RBM33: variants seen among roughly 807,000 people sequenced by gnomAD.
RBM33 encodes RNA-binding protein 33.
RBM33 carries 28 observed loss-of-function variants against 132.6 expected under a neutral mutation model. That is an observed-to-expected ratio of 0.21 (90% CI 0.16 to 0.29). The LOEUF (loss-of-function observed/expected upper bound fraction) is 0.29. Among genes scored for constraint, RBM33 ranks in the 10% least tolerant of loss-of-function variants. The pLI is 1.00. For missense variants in RBM33, 1,291 were observed against 1,518.5 expected, an observed-to-expected ratio of 0.85 and a Z score of 2.49; for synonymous variants, 634 against 593.0, an observed-to-expected ratio of 1.07 and a Z score of -1.01.
intron 3 of RBM33, among the ~76,000 whole-genome samples, chr7:155,674,348 G>T (rs929709257): frequency 6.6e-6 from 1 of 151,976 alleles, no homozygotes; most frequent in African/African-American, 2.4e-5. Flanking sequence ...CTCTATTGGG[G>T]AATTATTTTG....
At chr7:155,695,332 A>C (rs558514685) in intron 5 of RBM33, among the ~76,000 whole-genome samples, 1 of 152,366 alleles carries the variant, frequency 6.6e-6, no homozygotes, top group East Asian at 1.9e-4. Context: ...ATATGTATGC[A>C]TACATACTGC....
intron 9 of RBM33, among the ~76,000 whole-genome samples, chr7:155,724,249 T>G (rs1800712388): frequency 6.6e-6 from 1 of 152,194 alleles, no homozygotes; most frequent in African/African-American, 2.4e-5. Context: ...TTATAAAGTA[T>G]CAAAAGCAAT....
chr7:155,709,259 G>A (rs1190580414), intron 7 of RBM33, among the ~76,000 whole-genome samples: 1 of 152,086 alleles, frequency 6.6e-6, no homozygotes, highest in Non-Finnish European at 1.5e-5. Flanking sequence ...GTTACAGTAT[G>A]TATATGTTGT....
chr7:155,718,510 AGC>A, intron 9 of RBM33, 67 bp downstream of exon 9: 1 of 1,292,538 alleles, frequency 7.7e-7, no homozygotes, highest in Non-Finnish European at 1.1e-6. Context: ...ATATTAATAT[AGC>A]AAGTGCAAGA....
rs1801479209 is a variant in RBM33 at position 155,745,295 on chromosome 7, C to T, written c.2672C>T (p.Ser891Phe). 6.2e-7 allele frequency: 1 copy of T among 1,612,804 alleles called. No individual in the cohort carries two copies. The highest frequency in any genetic ancestry group is 1.1e-5 in the South Asian group (1 of 90,796). The part of the protein sequence containing the change: ...VSISNVQPKT[S>F]NFVPSSANMQ... ...ATTTCAAACGTTCAGCCCAAAACAT[C>T]CAATTTTGTACCATCCAGTGCCAAC... Residue 891 changes from serine (S) to phenylalanine (F), a missense_variant, in exon 14 of 18, where the codon TCC becomes TTC. Physicochemically the swap from Ser to Phe is radical, Grantham distance 155. This residue lies in a region of RBM33 where 841 missense variants were observed against 912.0 expected (regional missense o/e 0.92). Transcript: ENST00000401878. The surrounding 1 kb of genome is among the most constrained non-coding windows in gnomAD (Gnocchi z 4.1).
At chr7:155,672,423 T>C (rs1798967219) in intron 2 of RBM33, among the ~76,000 whole-genome samples, 1 of 152,154 alleles carries the variant, frequency 6.6e-6, no homozygotes. Flanking sequence ...ATTTTTATTA[T>C]TAATAAAGAA....
chr7:155,769,519 GAAA>G (rs1802341793), intron 16 of RBM33, among the ~76,000 whole-genome samples: 1 of 152,158 alleles, frequency 6.6e-6, no homozygotes, highest in Non-Finnish European at 1.5e-5. Context: ...GGTAGGCATG[GAAA>G]TGTAGAGAGT....
intron 2 of RBM33, among the ~76,000 whole-genome samples, chr7:155,667,296 C>T (rs1055140404): frequency 1.2e-4 from 19 of 152,048 alleles, no homozygotes; most frequent in South Asian, 2.1e-4. Context: ...TTCTCTGTCA[C>T]GCAGGTGGAG....
chr7:155,766,715 T>A, intron 16 of RBM33, 60 bp downstream of exon 16: 1 of 1,507,580 alleles, frequency 6.6e-7, no homozygotes, highest in Non-Finnish European at 9.0e-7. Context: ...CAAAATCATT[T>A]CTTGATTTAA....
chr7:155,675,177 T>G (rs891225266), intron 3 of RBM33, among the ~76,000 whole-genome samples: 2 of 151,170 alleles, frequency 1.3e-5, no homozygotes, highest in African/African-American at 4.9e-5. Flanking sequence ...CATGGTGACA[T>G]GAACCTGAAA....
intron 1 of RBM33, among the ~76,000 whole-genome samples, chr7:155,664,016 G>C (rs1252425444): frequency 6.6e-6 from 1 of 152,108 alleles, no homozygotes. Context: ...CATTTTTACA[G>C]AAAAAGAAAC....
At position 155,774,454 on chromosome 7, in the gene RBM33, G is replaced by A. The variant is rs548563749; in HGVS notation, c.3376-105G>A. ...ATCAATTAGTGTGTTCCAAATGTCC[G>A]CCTGGACTCATTTTGTGTTAAAACT... On this transcript the variant is annotated intron_variant, in intron 16 of 17. Transcript: ENST00000401878. The surrounding 1 kb of genome is among the most constrained non-coding windows in gnomAD (Gnocchi z 4.2). 1.5e-4 allele frequency: 119 copies of A among 787,328 alleles called. No homozygotes were observed. Among genetic ancestry groups the A allele is most frequent in the African/African-American group, 8.1e-4 (47 of 57,768 alleles). 48.8% of individuals were successfully genotyped at this position (787,328 alleles called of 1,614,324 possible).
intron 5 of RBM33, among the ~76,000 whole-genome samples, chr7:155,689,887 T>C (rs1172357871): frequency 6.6e-6 from 1 of 152,242 alleles, no homozygotes; most frequent in Non-Finnish European, 1.5e-5. Flanking sequence ...AGTGCTTTAC[T>C]TCCAACTGTG....
intron 2 of RBM33, 120 bp from the exon 3 acceptor site, chr7:155,672,744 CAAA>C (rs559042068): frequency 0.48 from 167,837 of 349,310 alleles, 26,053 homozygotes; most frequent in African/African-American, 0.5. Context: ...GGCTTTGTCT[CAAA>C]AAAAAAAAAA....
chr7:155,725,870 A>T (rs1800782394), intron 9 of RBM33, among the ~76,000 whole-genome samples: 1 of 152,158 alleles, frequency 6.6e-6, no homozygotes, highest in Admixed American at 6.5e-5. Context: ...CCTTCTTCAA[A>T]ATGTTTAGAA....
chr7:155,679,140 C>G (rs1167698090), intron 4 of RBM33, among the ~76,000 whole-genome samples: 8 of 151,990 alleles, frequency 5.3e-5, no homozygotes, highest in Non-Finnish European at 1.2e-4. Flanking sequence ...CCACTGCACT[C>G]CAGCCTGGGA....
chr7:155,705,156 CACTT>C (rs1265560098), intron 6 of RBM33, among the ~76,000 whole-genome samples: 1 of 152,136 alleles, frequency 6.6e-6, no homozygotes, highest in Non-Finnish European at 1.5e-5. Flanking sequence ...GTTCAGAAAA[CACTT>C]AAAGGGAAAT....
Position 155,656,588 on chromosome 7 carries a change from GA to G in RBM33, c.44-8577del, listed in dbSNP as rs570280584. ...CATATCGAGTGAGACTCCATCTCAG[GA>G]AAAAAAAAATATGTGTATGTATATA... On this transcript the variant is annotated intron_variant, in intron 1 of 17. Transcript: ENST00000401878. Among the ~76,000 whole-genome samples the G allele has an allele frequency of 3.1e-3, 464 of 148,306 alleles. 3 individuals are homozygous for G. Among genetic ancestry groups the G allele is most frequent in the African/African-American group, 0.01 (408 of 40,606 alleles).
At chr7:155,659,307 C>A (rs773137876) in intron 1 of RBM33, among the ~76,000 whole-genome samples, 13 of 152,030 alleles carry the variant, frequency 8.6e-5, no homozygotes, top group Non-Finnish European at 1.5e-4. Flanking sequence ...ATGCTTTAAC[C>A]TTCTTAAATA....
Sources: allele counts gnomAD v4.1 joint callset (sites outside exome capture counted in the v4.1 genomes callset), GRCh38; gene constraint gnomAD v4.1.1; regional missense constraint gnomAD v4.1.1; non-coding constraint Gnocchi (gnomAD v3.1); transcripts MANE v1.5; gene names NCBI Gene and HGNC (gene_info 2026-07-23, HGNC 2026-07-21).